PPP5C: variants seen among roughly 807,000 people sequenced by gnomAD.
The protein encoded by PPP5C is protein phosphatase 5 catalytic subunit.
Under a neutral mutation model 66.7 loss-of-function variants are expected in PPP5C, and 21 were observed. The ratio of observed to expected loss-of-function variants is 0.31; its 90% CI spans 0.22 to 0.45. PPP5C has a LOEUF of 0.45. PPP5C is among the 20% of genes least tolerant of loss of function. PPP5C has a pLI of 1.00. For missense variants in PPP5C, 464 were observed against 675.9 expected, an observed-to-expected ratio of 0.69 and a Z score of 3.48; for synonymous variants, 246 against 257.4, an observed-to-expected ratio of 0.96 and a Z score of 0.43.
intron 2 of PPP5C, among the ~76,000 whole-genome samples, chr19:46,368,086 G>T (rs137893221): frequency 1.1e-4 from 16 of 152,298 alleles, no homozygotes; most frequent in African/African-American, 3.4e-4. Context: ...CTCTACCTAG[G>T]AAAATTGTAA....
At chr19:46,385,824 G>C (rs149681072) in intron 7 of PPP5C, among the ~76,000 whole-genome samples, 104 of 151,326 alleles carry the variant, frequency 6.9e-4, no homozygotes, top group African/African-American at 2.4e-3. Context: ...TGCACCCGTA[G>C]TCCCAGCTTC....
chr19:46,386,888 C>T lies in PPP5C; in HGVS notation c.905-205C>T, dbSNP rs553695223. The T allele has an allele frequency of 1.0e-4, 70 of 677,382 alleles. No individual in the cohort carries two copies. In the East Asian group the frequency reaches 1.5e-3, roughly 14 times the overall value. 42.0% of individuals were successfully genotyped at this position (677,382 alleles called of 1,614,324 possible). On this transcript the variant is annotated intron_variant, in intron 7 of 12. Transcript: ENST00000012443. ...CTTCCCAAAGTGCTGGAATTATAGG[C>T]GTGAGCCATGGTGCTTAGCCATGGA...
chr19:46,380,400 T>C (rs116086371), intron 4 of PPP5C, among the ~76,000 whole-genome samples: 2,005 of 152,374 alleles, frequency 0.013, 43 homozygotes, highest in African/African-American at 0.045. Context: ...GTCATGCTTA[T>C]GCATCTGCTA....
intron 2 of PPP5C, among the ~76,000 whole-genome samples, chr19:46,354,731 A>G (rs1052687568): frequency 2.0e-5 from 3 of 152,036 alleles, no homozygotes; most frequent in Admixed American, 6.5e-5. Context: ...CAGGAGCTCA[A>G]GGCCGCAGTG....
In PPP5C at chr19:46,390,375, G is replaced by A. The variant is rs1420771030; in HGVS notation, c.*29G>A. 3 of 1,557,170 alleles carry A rather than the reference G, an allele frequency of 1.9e-6. No individual in the cohort carries two copies. In the South Asian group the frequency reaches 3.6e-5, roughly 18 times the overall value. On this transcript the variant is annotated 3_prime_UTR_variant, in exon 13 of 13. Transcript: ENST00000012443. ...GACGGGCGGGGCGGCCTGCATCCCA[G>A]GGCCCCTCCAATCCCACCGGACCCA...
At chr19:46,382,481 CT>C in intron 4 of PPP5C, 1 of 152,294 alleles carries the variant, frequency 6.6e-6, no homozygotes. Context: ...TTCTTAACAC[CT>C]TTTTCCCCAG....
At chr19:46,389,973 G>T in intron 11 of PPP5C, 78 bp from the exon 12 acceptor site, 2 of 1,313,072 alleles carry the variant, frequency 1.5e-6, no homozygotes, top group South Asian at 1.2e-5. Context: ...GTCCCTTCTT[G>T]CCCAGCCATT....
At chr19:46,361,758 C>T (rs111586868) in intron 2 of PPP5C, among the ~76,000 whole-genome samples, 2,315 of 146,994 alleles carry the variant, frequency 0.016, 67 homozygotes, top group African/African-American at 0.057. Flanking sequence ...AGCCAGACTC[C>T]GTCTCAAAAA....
intron 2 of PPP5C, among the ~76,000 whole-genome samples, chr19:46,359,014 A>G (rs190029132): frequency 3.9e-5 from 6 of 152,220 alleles, no homozygotes; most frequent in African/African-American, 1.4e-4. Context: ...CTCAAGGAAA[A>G]GTTTCTTTTC....
chr19:46,387,123 T>G lies in PPP5C; in HGVS notation c.935T>G (p.Ile312Ser). The G allele has an allele frequency of 1.2e-6, 2 of 1,614,218 alleles. No individual in the cohort carries two copies. The highest frequency in any genetic ancestry group is 2.2e-5 in the South Asian group (2 of 91,084). ...GNHETDNMNQ[I>S]YGFEGEVKAK... The stretch of plus-strand genomic sequence containing the variant: ...CACGAGACAGACAACATGAACCAGA[T>G]CTACGGTTTCGAGGGTGAGGTGAAG... The change falls in exon 8 of 13, where the codon ATC (isoleucine) becomes AGC (serine). Residue 312 changes from isoleucine to serine, a missense_variant. This residue lies in a region of PPP5C where 387 missense variants were observed against 626.0 expected (regional missense o/e 0.62). Transcript: ENST00000012443.
chr19:46,351,919 A>G (rs2147359757), intron 1 of PPP5C, among the ~76,000 whole-genome samples: 1 of 152,348 alleles, frequency 6.6e-6, no homozygotes, highest in East Asian at 1.9e-4. Context: ...AGGAGGGGAC[A>G]TGTGAGCATT....
chr19:46,361,051 GTTGT>G lies in PPP5C; in HGVS notation c.363+7077_363+7080del, dbSNP rs1377184639. ...CTCTCCCCTTTTTTGTTTTTTCTGT[GTTGT>G]TTGTTTGTTTGTTTTTTGGGATTTT... On this transcript the variant is annotated intron_variant, in intron 2 of 12. Coordinates refer to ENST00000012443, the MANE Select transcript of PPP5C (RefSeq NM_006247.4). Among the ~76,000 whole-genome samples the G allele has an allele frequency of 3.3e-3, 491 of 149,356 alleles. 2 individuals are homozygous for G. The highest frequency in any genetic ancestry group is 0.011 in the African/African-American group (465 of 40,628).
At chr19:46,389,450 C>T (rs1972967877) in intron 11 of PPP5C, among the ~76,000 whole-genome samples, 1 of 115,814 alleles carries the variant, frequency 8.6e-6, no homozygotes, top group African/African-American at 3.8e-5. Context: ...CACACACACA[C>T]ACACACACAC....
At chr19:46,369,618 C>T (rs948406453) in intron 2 of PPP5C, among the ~76,000 whole-genome samples, 2 of 123,892 alleles carry the variant, frequency 1.6e-5, no homozygotes, top group African/African-American at 6.5e-5. Flanking sequence ...GGTGACAGGG[C>T]GAGACTCTGT....
Position 46,390,341 on chromosome 19 carries a change from A to ATG in PPP5C, c.1498_1499dup (p.Ter500CysfsTer24). 3 of 1,576,200 alleles carry ATG rather than the reference A, an allele frequency of 1.9e-6. No individual in the cohort carries two copies. The highest frequency in any genetic ancestry group is 2.6e-6 in the Non-Finnish European group (3 of 1,160,968). The stretch of plus-strand genomic sequence containing the variant: ...CAACACGCTGCTGCAGCTAGGAATG[A>ATG]TGTGAGGTGACGGGCGGGGCGGCCT... On this transcript the variant is annotated frameshift_variant, in exon 13 of 13. Coordinates refer to ENST00000012443, the MANE Select transcript of PPP5C (RefSeq NM_006247.4). LOFTEE classifies it high-confidence loss of function.
In PPP5C at chr19:46,353,851, T is replaced by G. The variant is rs1339348338; in HGVS notation, c.225T>G (p.Thr75=). The change falls in exon 2 of 13, where the codon ACT becomes ACG. Residue 75 remains threonine (T), a synonymous_variant. Transcript: ENST00000012443. ...ACCGCAGCCTGGCCTACCTGCGCAC[T>G]GAGTGCTATGGCTACGCGCTGGGAG... The part of the protein sequence containing the change: ...YGNRSLAYLR[T]ECYGYALGDA... The G allele has an allele frequency of 7.4e-6, 12 of 1,611,674 alleles. No individual in the cohort carries two copies. Among genetic ancestry groups the G allele is most frequent in the Non-Finnish European group, 1.0e-5 (12 of 1,179,066 alleles).
intron 2 of PPP5C, among the ~76,000 whole-genome samples, chr19:46,356,930 C>T (rs1231293922): frequency 6.6e-6 from 1 of 152,200 alleles, no homozygotes. Flanking sequence ...ACAGCCAGCT[C>T]AGATTGGGTA....
intron 4 of PPP5C, chr19:46,382,594 C>T (rs534127078): frequency 1.3e-5 from 2 of 155,122 alleles, no homozygotes; most frequent in African/African-American, 4.8e-5. Flanking sequence ...CATTTTAATG[C>T]ATTAACTTTA....
rs1482067917 is a variant in PPP5C, at chr19:46,376,611, C to T, written c.633+37C>T. 1.2e-6 allele frequency: 2 copies of T among 1,605,968 alleles called. No homozygotes were observed. The highest frequency in any genetic ancestry group is 1.7e-6 in the Non-Finnish European group (2 of 1,175,502). On this transcript the variant is annotated intron_variant, in intron 4 of 12. Coordinates refer to ENST00000012443, the MANE Select transcript of PPP5C (RefSeq NM_006247.4). The surrounding 1 kb of genome is among the most constrained non-coding windows in gnomAD (Gnocchi z 5.1). ...GTCAGGTACTGGGCACCCGGGAACC[C>T]TGGGATGGCATCACAGCACTGCCAG...
Sources: gnomAD v4.1 joint callset for allele counts (sites outside exome capture counted in the v4.1 genomes callset) on GRCh38, gnomAD v4.1.1 for gene constraint, gnomAD v4.1.1 regional missense constraint, Gnocchi (gnomAD v3.1) non-coding constraint, MANE v1.5 for transcripts, NCBI Gene and HGNC (gene_info 2026-07-23, HGNC 2026-07-21) for gene names.